The following WSCD2 variants were observed in gnomAD, a reference collection of about 807,000 sequenced individuals.
WSCD2 encodes sialate:O-sulfotransferase 2.
A neutral mutation model predicts 55.7 loss-of-function variants in WSCD2; 28 were observed. The ratio of observed to expected loss-of-function variants is 0.50; its 90% CI spans 0.37 to 0.69. WSCD2 has a LOEUF of 0.69. Among genes scored for constraint, WSCD2 ranks in the 30% least tolerant of loss-of-function variants. WSCD2 has a pLI of 0.00. For missense variants in WSCD2, 616 were observed against 762.1 expected (o/e 0.81, Z 2.26); for synonymous variants, 301 against 301.9 (o/e 1.00, Z 0.03).
At chr12:108,133,029 G>A (rs764715662) in intron 1 of WSCD2, among the ~76,000 whole-genome samples, 1 of 152,210 alleles carries the variant, frequency 6.6e-6, no homozygotes, top group Non-Finnish European at 1.5e-5. Context: ...GTGAATGTTA[G>A]CATGTGCATT....
intron 6 of WSCD2, 67 bp from the exon 7 acceptor site, chr12:108,232,664 C>G (rs1888899255): frequency 6.1e-6 from 9 of 1,485,060 alleles, no homozygotes; most frequent in Non-Finnish European, 8.2e-6. Context: ...GACTCATACC[C>G]TGGCCCTTTC....
chr12:108,188,824 G>A (rs544985024), intron 1 of WSCD2, among the ~76,000 whole-genome samples: 1 of 152,324 alleles, frequency 6.6e-6, no homozygotes, highest in South Asian at 2.1e-4. Context: ...TCTGCATAGT[G>A]TCCGCCATGG....
At chr12:108,144,775 G>A (rs1222461926) in intron 1 of WSCD2, among the ~76,000 whole-genome samples, 3 of 152,152 alleles carry the variant, frequency 2.0e-5, no homozygotes, top group Admixed American at 6.5e-5. Flanking sequence ...CTCCATACCA[G>A]GCCCTTTCCC....
At chr12:108,171,795 C>T (rs1175931705) in intron 1 of WSCD2, 1 of 152,210 alleles carries the variant, frequency 6.6e-6, no homozygotes, top group Admixed American at 6.5e-5. Flanking sequence ...CAAGTGACTT[C>T]CCTTCTCTGG....
chr12:108,227,302 C>CTAAGCCTGGTGGAGTT, intron 6 of WSCD2, 138 bp downstream of exon 6: 1 of 1,049,050 alleles, frequency 9.5e-7, no homozygotes, highest in Non-Finnish European at 1.3e-6. Flanking sequence ...CTGATGAACT[C>CTAAGCCTGGTGGAGTT]CACCAGGCTT....
intron 1 of WSCD2, among the ~76,000 whole-genome samples, chr12:108,150,742 G>C (rs777155125): frequency 2.0e-5 from 3 of 152,112 alleles, no homozygotes; most frequent in Non-Finnish European, 2.9e-5. Flanking sequence ...CACCCTGCCC[G>C]GATACGACTG....
intron 8 of WSCD2, among the ~76,000 whole-genome samples, chr12:108,246,205 G>C (rs1890068906): frequency 6.6e-6 from 1 of 152,242 alleles, no homozygotes; most frequent in African/African-American, 2.4e-5. Context: ...GTGAGGAGCA[G>C]ACAGTAGTCC....
At chr12:108,168,440 T>C (rs978948809) in intron 1 of WSCD2, among the ~76,000 whole-genome samples, 11 of 152,202 alleles carry the variant, frequency 7.2e-5, no homozygotes, top group African/African-American at 2.7e-4. Flanking sequence ...ACATCTCTTA[T>C]CCCAAGACTG....
At chr12:108,138,621 A>T (rs1284094294) in intron 1 of WSCD2, among the ~76,000 whole-genome samples, 1 of 152,204 alleles carries the variant, frequency 6.6e-6, no homozygotes, top group African/African-American at 2.4e-5. Flanking sequence ...CAATGGGCAT[A>T]ACTAAGATTC....
intron 4 of WSCD2, among the ~76,000 whole-genome samples, 184 bp from the exon 5 acceptor site, chr12:108,224,555 A>G (rs541470859): frequency 1.2e-4 from 19 of 152,252 alleles, no homozygotes; most frequent in African/African-American, 3.9e-4. Context: ...TATCGAGCTC[A>G]TTGACTGTGA....
Position 108,238,866 on chromosome 12 carries a change from G to A in WSCD2, c.1145-1478G>A, listed in dbSNP as rs75551684. 9.6e-4 allele frequency among the ~76,000 whole-genome samples: 146 copies of A among 152,304 alleles called. 1 individual carries two copies. The highest frequency in any genetic ancestry group is 3.2e-3 in the African/African-American group (134 of 41,568). ...TGCCCAGAGCCCAGGTTTGTATTTC[G>A]GCTCTGCCTGTTCCATAGCTCTGTA... On this transcript the variant is annotated intron_variant, in intron 7 of 8. Transcript: ENST00000547525.
chr12:108,214,754 C>CT (rs1422063148), intron 4 of WSCD2, among the ~76,000 whole-genome samples: 3 of 152,174 alleles, frequency 2.0e-5, no homozygotes, highest in Non-Finnish European at 4.4e-5. Context: ...GGGATGTGTA[C>CT]TTTTTTCCTT....
At chr12:108,196,282 A>T in intron 2 of WSCD2, 68 bp downstream of exon 2, 1 of 1,489,206 alleles carries the variant, frequency 6.7e-7, no homozygotes, top group Non-Finnish European at 8.9e-7. Flanking sequence ...CAATGTAATA[A>T]CAGCTGTCAG....
rs77195862 is a variant in WSCD2, at chr12:108,219,779, G to C, written c.683-4960G>C. Among the ~76,000 whole-genome samples, 143 of 152,340 alleles carry C rather than the reference G, an allele frequency of 9.4e-4. 1 individual carries two copies. The highest frequency in any genetic ancestry group is 3.2e-3 in the African/African-American group (135 of 41,578). Reference sequence around the variant, plus strand: ...GGGTACCCAGGACAACCCCAAAGGGGCCTCCGTTGGCCCCAACCCCCAAAA... The same window carrying C: ...GGGTACCCAGGACAACCCCAAAGGGCCCTCCGTTGGCCCCAACCCCCAAAA... On this transcript the variant is annotated intron_variant, in intron 4 of 8. Transcript: ENST00000547525.
intron 4 of WSCD2, among the ~76,000 whole-genome samples, chr12:108,222,324 G>A (rs548773317): frequency 1.4e-4 from 22 of 152,288 alleles, no homozygotes; most frequent in African/African-American, 5.1e-4. Context: ...TTTTGCAAAC[G>A]ATGGGTCCTT....
chr12:108,207,266 G>T (rs1053538096), intron 3 of WSCD2, among the ~76,000 whole-genome samples: 1 of 152,178 alleles, frequency 6.6e-6, no homozygotes, highest in South Asian at 2.1e-4. Context: ...GCTCCAGGTG[G>T]CTGTCTCTGA....
chr12:108,152,465 A>C (rs1455568346), intron 1 of WSCD2, among the ~76,000 whole-genome samples: 1 of 152,178 alleles, frequency 6.6e-6, no homozygotes, highest in Non-Finnish European at 1.5e-5. Context: ...GGCCAGAGAA[A>C]TACAGGGTCG....
In WSCD2 at chr12:108,210,522, C is replaced by G. The variant is rs942971195; in HGVS notation, c.682+217C>G. Among the ~76,000 whole-genome samples the G allele has an allele frequency of 6.6e-6, 1 of 152,212 alleles. No individual in the cohort carries two copies. The highest frequency in any genetic ancestry group is 1.5e-5 in the Non-Finnish European group (1 of 68,032). ...TGCATGCGCTTTTCTCTCCCTCCCACTGAGCTGCGTCTGGTTCCAGCTGTA... is the reference window on the plus strand; with the variant it reads ...TGCATGCGCTTTTCTCTCCCTCCCAGTGAGCTGCGTCTGGTTCCAGCTGTA... On this transcript the variant is annotated intron_variant, in intron 4 of 8. Transcript: ENST00000547525. This position sits in a 1 kb window ranked among gnomAD's most constrained non-coding sequence, Gnocchi z 4.3.
At chr12:108,191,486 C>T (rs1487053956) in intron 1 of WSCD2, among the ~76,000 whole-genome samples, 1 of 152,108 alleles carries the variant, frequency 6.6e-6, no homozygotes, top group Non-Finnish European at 1.5e-5. Context: ...TCCTGGAACC[C>T]TTGAACCCCA....
Sources: gnomAD v4.1 joint callset for allele counts (sites outside exome capture counted in the v4.1 genomes callset) on GRCh38, gnomAD v4.1.1 for gene constraint, Gnocchi (gnomAD v3.1) non-coding constraint, MANE v1.5 for transcripts, NCBI Gene and HGNC (gene_info 2026-07-23, HGNC 2026-07-21) for gene names.